CEP112: variants seen among roughly 807,000 people sequenced by gnomAD.
CEP112 encodes centrosomal protein 112, also known as centrosomal protein of 112 kDa.
Under a neutral mutation model 153.0 loss-of-function variants are expected in CEP112, and 127 were observed. That is an observed-to-expected ratio of 0.83 (90% CI 0.72 to 0.96). The LOEUF (loss-of-function observed/expected upper bound fraction) is 0.96. Ranked by LOEUF, CEP112 falls within the 40% of genes least tolerant of loss-of-function variation. The pLI is 0.00. For missense variants in CEP112, 1,089 were observed against 1,101.2 expected (o/e 0.99, Z 0.16); for synonymous variants, 358 against 374.4 (o/e 0.96, Z 0.51).
intron 4 of CEP112, among the ~76,000 whole-genome samples, chr17:66,142,475 A>G (rs938056998): frequency 6.6e-6 from 1 of 152,170 alleles, no homozygotes; most frequent in African/African-American, 2.4e-5. Context: ...AGTCGTTTAC[A>G]GTTTCAGATC....
chr17:66,099,433 G>A (rs1488440199), intron 6 of CEP112, among the ~76,000 whole-genome samples: 2 of 151,256 alleles, frequency 1.3e-5, no homozygotes, highest in East Asian at 4.0e-4. Flanking sequence ...GAACCCAAGA[G>A]GTGGAGGTTG....
At chr17:65,673,695 T>C (rs1274299763) in intron 24 of CEP112, among the ~76,000 whole-genome samples, 1 of 152,110 alleles carries the variant, frequency 6.6e-6, no homozygotes, top group Admixed American at 6.6e-5. Flanking sequence ...TATTTCATAA[T>C]CTAGGTTAGA....
intron 21 of CEP112, among the ~76,000 whole-genome samples, chr17:65,790,280 A>G (rs548004642): frequency 5.9e-5 from 9 of 152,298 alleles, no homozygotes; most frequent in Admixed American, 5.9e-4. Context: ...AAACCAAGCT[A>G]GGGATCAGGG....
At chr17:65,812,249 C>T (rs1433140554) in intron 21 of CEP112, among the ~76,000 whole-genome samples, 2 of 152,150 alleles carry the variant, frequency 1.3e-5, no homozygotes, top group African/African-American at 4.8e-5. Context: ...ATGATCCACC[C>T]GCCTCGGCCT....
chr17:65,954,479 AC>A lies in CEP112; in HGVS notation c.1872+6983del, dbSNP rs2061941017. ...TTTAACTCCTCCAAGAGATCATACC[AC>A]CTCACCAGCAATGGATCCAAGCCAA... On this transcript the variant is annotated intron_variant, in intron 18 of 26. Coordinates refer to ENST00000535342, the MANE Select transcript of CEP112 (RefSeq NM_001199165.4). Among the ~76,000 whole-genome samples the A allele has an allele frequency of 2.0e-5, 3 of 152,242 alleles. No homozygotes were observed. In the East Asian group the frequency reaches 5.8e-4, roughly 29 times the overall value.
chr17:65,826,684 C>A, intron 21 of CEP112: 1 of 389,598 alleles, frequency 2.6e-6, no homozygotes, highest in South Asian at 4.6e-5. Flanking sequence ...CTGTGCATCA[C>A]TGTTCAGCTT....
chr17:66,067,690 T>C (rs1165252479), intron 9 of CEP112, among the ~76,000 whole-genome samples: 4 of 152,202 alleles, frequency 2.6e-5, no homozygotes, highest in Admixed American at 2.6e-4. Context: ...AGAATAATTA[T>C]TATCTGAAAG....
At chr17:65,883,717 G>A (rs763334685) in intron 20 of CEP112, among the ~76,000 whole-genome samples, 3 of 152,124 alleles carry the variant, frequency 2.0e-5, no homozygotes, top group Admixed American at 1.3e-4. Context: ...TTTTAAGCAG[G>A]GGAGTTTTCT....
rs149520223 is a variant in CEP112 at position 65,833,784 on chromosome 17, T to C, written c.2394+18020A>G. The stretch of plus-strand genomic sequence containing the variant: ...AATATCATTAAAATGGCCAAAGCAA[T>C]TTATAAATTCAATGCTATACCTACC... On this transcript the variant is annotated intron_variant, in intron 21 of 26. Transcript: ENST00000535342. Among the ~76,000 whole-genome samples the C allele has an allele frequency of 8.3e-3, 1,258 of 152,162 alleles. 14 individuals carry two copies. Among genetic ancestry groups the C allele is most frequent in the South Asian group, 0.02 (94 of 4,816 alleles).
At chr17:66,164,892 G>A (rs982333760) in intron 4 of CEP112, among the ~76,000 whole-genome samples, 2 of 124,106 alleles carry the variant, frequency 1.6e-5, no homozygotes, top group East Asian at 2.2e-4. Flanking sequence ...ATATATGTGT[G>A]TGTGTGTGTG....
At chr17:65,996,117 G>C (rs2145319253) in intron 17 of CEP112, among the ~76,000 whole-genome samples, 1 of 138,954 alleles carries the variant, frequency 7.2e-6, no homozygotes, top group South Asian at 2.5e-4. Flanking sequence ...CTACACCATG[G>C]GGAAAAATAT....
intron 4 of CEP112, 61 bp from the exon 5 acceptor site, chr17:66,132,824 A>C (rs1307787671): frequency 4.7e-6 from 5 of 1,053,774 alleles, no homozygotes; most frequent in African/African-American, 1.6e-5. Context: ...AGAGTATTAG[A>C]ATCTAGGATT....
In CEP112 at chr17:65,866,351, G is replaced by A. The variant is rs553809225; in HGVS notation, c.2164-14317C>T. 1.6e-4 allele frequency among the ~76,000 whole-genome samples: 25 copies of A among 152,366 alleles called. No individual in the cohort carries two copies. The South Asian group carries it at 5.0e-3, about 30-fold the overall frequency. On this transcript the variant is annotated intron_variant, in intron 20 of 26. Coordinates refer to ENST00000535342, the MANE Select transcript of CEP112 (RefSeq NM_001199165.4). ...AGACTTTGGGCACCAACGGGCATGG[G>A]AGGGAGGCCAAGGCGGGGCTGAGGG...
At chr17:65,862,299 C>T (rs2058334566) in intron 20 of CEP112, among the ~76,000 whole-genome samples, 1 of 152,068 alleles carries the variant, frequency 6.6e-6, no homozygotes, top group Non-Finnish European at 1.5e-5. Context: ...AATAGTGTTC[C>T]AATTCTTGGC....
At chr17:66,153,605 T>A (rs2071302033) in intron 4 of CEP112, among the ~76,000 whole-genome samples, 1 of 152,204 alleles carries the variant, frequency 6.6e-6, no homozygotes, top group Admixed American at 6.5e-5. Flanking sequence ...CACGCACACA[T>A]GCACACATCA....
At chr17:65,861,367 A>G (rs2058304247) in intron 20 of CEP112, among the ~76,000 whole-genome samples, 1 of 152,250 alleles carries the variant, frequency 6.6e-6, no homozygotes, top group Admixed American at 6.5e-5. Flanking sequence ...AAGGAAAGGC[A>G]TGACTTAAAG....
intron 6 of CEP112, among the ~76,000 whole-genome samples, chr17:66,108,519 AC>A (rs1421496102): frequency 6.6e-6 from 1 of 152,082 alleles, no homozygotes; most frequent in African/African-American, 2.4e-5. Flanking sequence ...AAGATGTTTA[AC>A]ATTACTGATC....
intron 4 of CEP112, among the ~76,000 whole-genome samples, chr17:66,150,137 T>C (rs968164452): frequency 3.3e-5 from 5 of 149,336 alleles, no homozygotes; most frequent in East Asian, 2.0e-4. Context: ...CTCGACCTCA[T>C]GATCCGCCCA....
intron 20 of CEP112, among the ~76,000 whole-genome samples, chr17:65,898,784 T>A (rs1043689771): frequency 3.9e-5 from 6 of 152,068 alleles, no homozygotes; most frequent in Non-Finnish European, 8.8e-5. Context: ...TGCCTAAATG[T>A]CTCTACTGCA....
Sources: allele counts gnomAD v4.1 joint callset (sites outside exome capture counted in the v4.1 genomes callset), GRCh38; gene constraint gnomAD v4.1.1; transcripts MANE v1.5; gene names NCBI Gene and HGNC (gene_info 2026-07-23, HGNC 2026-07-21).